The following CTRB1 variants were observed in gnomAD, a reference collection of about 807,000 sequenced individuals.
CTRB1 encodes chymotrypsinogen B.
A neutral mutation model predicts 20.4 loss-of-function variants in CTRB1; 15 were observed. That is an observed-to-expected ratio of 0.74 (90% CI 0.49 to 1.13). The LOEUF (loss-of-function observed/expected upper bound fraction) is 1.13. Among genes scored for constraint, CTRB1 ranks in the 50% most tolerant of loss-of-function variants. The probability of loss-of-function intolerance (pLI) is 0.00; values close to 1 mark genes in which losing one functional copy is unlikely to be tolerated. For missense variants in CTRB1, 227 were observed against 290.1 expected (o/e 0.78, Z 1.58); for synonymous variants, 92 against 128.4 (o/e 0.72, Z 1.92).
chr16:75,224,578 A>C (rs2151377188), intron 6 of CTRB1, 127 bp from the exon 7 acceptor site: 1 of 1,155,378 alleles, frequency 8.7e-7, no homozygotes, highest in South Asian at 1.5e-5. Flanking sequence ...TAACCCACGC[A>C]ACAGCACATG....
chr16:75,221,906 C>G (rs1027653615), intron 1 of CTRB1, among the ~76,000 whole-genome samples: 1 of 151,424 alleles, frequency 6.6e-6, no homozygotes, highest in Non-Finnish European at 1.5e-5. Context: ...ACTAAAAATA[C>G]AAAAATTAGC....
chr16:75,224,646 C>T lies in CTRB1; in HGVS notation c.631-59C>T, dbSNP rs529437969. 5.9e-6 allele frequency: 9 copies of T among 1,538,456 alleles called. 1 individual carries two copies. In the East Asian group the frequency reaches 6.8e-5, roughly 12 times the overall value. ...GGACTCTGGGAACAATGTCCAGTGG[C>T]CCCTGGGACCAGTCTGTCTCGGCTG... On this transcript the variant is annotated intron_variant, in intron 6 of 6. Transcript: ENST00000361017.
At chr16:75,219,652 G>C (rs980081444) in intron 1 of CTRB1, among the ~76,000 whole-genome samples, 2 of 152,114 alleles carry the variant, frequency 1.3e-5, no homozygotes, top group African/African-American at 2.4e-5. Flanking sequence ...CCAAAGTGCT[G>C]GGATTACAGG....
intron 1 of CTRB1, among the ~76,000 whole-genome samples, chr16:75,219,683 C>T (rs541855520): frequency 2.6e-5 from 4 of 152,172 alleles, no homozygotes; most frequent in African/African-American, 7.2e-5. Context: ...TGTGCCCAGC[C>T]GTGTTTTCTA....
At chr16:75,222,591 G>C (rs1597131390) in intron 1 of CTRB1, 177 bp from the exon 2 acceptor site, 1 of 657,410 alleles carries the variant, frequency 1.5e-6, no homozygotes, top group East Asian at 2.8e-5. Context: ...AGCAGGCCGA[G>C]AGTTGGGAAC....
intron 1 of CTRB1, among the ~76,000 whole-genome samples, chr16:75,221,127 G>A (rs1283758726): frequency 6.6e-6 from 1 of 152,112 alleles, no homozygotes; most frequent in Non-Finnish European, 1.5e-5. Context: ...CGCAGGGGCT[G>A]CCTTGTAAGC....
rs1328086283 is a variant in CTRB1 at position 75,222,782 on chromosome 16, G to A, written c.67G>A (p.Ala23Thr). ...CTCCCCCCCAGGCTGCGGGGTCCCCGCCATCCACCCTGTGCTCAGCGGCCT... is the reference window on the plus strand; with the variant it reads ...CTCCCCCCCAGGCTGCGGGGTCCCCACCATCCACCCTGTGCTCAGCGGCCT... ...VGAAFGCGVP[A>T]IHPVLSGLSR... The change falls in exon 2 of 7, where the codon GCC (alanine) becomes ACC (threonine). Residue 23 changes from alanine to threonine, a missense_variant. Ala to Thr is a moderately conservative substitution (Grantham distance 58). Transcript: ENST00000361017. 15 of 1,555,806 alleles carry A rather than the reference G, an allele frequency of 9.6e-6. No homozygotes were observed. In the East Asian group the frequency reaches 1.4e-4, roughly 15 times the overall value.
At chr16:75,219,104 C>T in intron 1 of CTRB1, 45 bp downstream of exon 1, 1 of 1,551,744 alleles carries the variant, frequency 6.4e-7, no homozygotes, top group Non-Finnish European at 8.7e-7. Context: ...GAGCCCTGAG[C>T]CTGGCTGAGA....
Position 75,224,289 on chromosome 16 carries a change from C to T in CTRB1, c.630+101C>T, listed in dbSNP as rs2303213. On this transcript the variant is annotated intron_variant, in intron 6 of 6. Coordinates refer to ENST00000361017, the MANE Select transcript of CTRB1 (RefSeq NM_001906.6). Reference sequence around the variant, plus strand: ...CTCTCATCTACTAACCCCACTCCTTCCTGGGTGTCAGAGTCGCCTTGTTGC... The same window carrying T: ...CTCTCATCTACTAACCCCACTCCTTTCTGGGTGTCAGAGTCGCCTTGTTGC... 1.3e-5 allele frequency: 20 copies of T among 1,545,430 alleles called. No individual in the cohort carries two copies. In the East Asian group the frequency reaches 4.8e-4, roughly 37 times the overall value.
In CTRB1 at chr16:75,224,708, G is replaced by A. The variant is rs528487997; in HGVS notation, c.634G>A (p.Asp212Asn). The A allele has an allele frequency of 1.9e-5, 30 of 1,609,228 alleles. No individual in the cohort carries two copies. The South Asian group carries it at 2.3e-4, about 12-fold the overall frequency. The change falls in exon 7 of 7, where the codon GAC becomes AAC. Residue 212 changes from aspartate (D) to asparagine (N), a missense_variant. Physicochemically the swap from Asp to Asn is conservative, Grantham distance 23. Transcript: ENST00000361017. ...CCCCCTTCTCCCTCTCCCACAGGGC[G>A]ACTCTGGCGGCCCCCTGGTCTGCCA... The part of the protein sequence containing the change: ...GASGVSSCMG[D>N]SGGPLVCQKD...
intron 1 of CTRB1, among the ~76,000 whole-genome samples, chr16:75,220,951 T>G (rs573833545): frequency 5.3e-4 from 81 of 152,034 alleles, no homozygotes; most frequent in African/African-American, 1.9e-3. Flanking sequence ...AGAGACAGGG[T>G]TTCATCATAT....
chr16:75,224,019 G>A, intron 5 of CTRB1, 36 bp from the exon 6 acceptor site: 1 of 756,318 alleles, frequency 1.3e-6, no homozygotes, highest in Non-Finnish European at 2.0e-6. Context: ...TTGGCTGAGT[G>A]AGCCCAGGGG....
chr16:75,224,871 G>A lies in CTRB1; in HGVS notation c.*5G>A, dbSNP rs370522687. ...AAGATCCTGGCTGCCAACTGAGCCCGCGGCTCCCTCCGACCCTGCTCCCCA... is the reference window on the plus strand; with the variant it reads ...AAGATCCTGGCTGCCAACTGAGCCCACGGCTCCCTCCGACCCTGCTCCCCA... On this transcript the variant is annotated 3_prime_UTR_variant, in exon 7 of 7. Coordinates refer to ENST00000361017, the MANE Select transcript of CTRB1 (RefSeq NM_001906.6). 122 of 1,613,462 alleles carry A rather than the reference G, an allele frequency of 7.6e-5. 1 individual carries two copies. In the Middle Eastern group the frequency reaches 9.9e-4, roughly 13 times the overall value.
chr16:75,220,975 C>T (rs1458500563), intron 1 of CTRB1, among the ~76,000 whole-genome samples: 1 of 152,190 alleles, frequency 6.6e-6, no homozygotes, highest in Non-Finnish European at 1.5e-5. Context: ...CCAGGCTGGT[C>T]TTGAACTCCT....
Position 75,222,374 on chromosome 16 carries a change from G to A in CTRB1, c.53-394G>A, listed in dbSNP as rs185554075. Reference sequence around the variant, plus strand: ...AGGCACGTGGGCCAGTGGAGCTCACGTGGTTCTGCTGCCCTTTTTATAGCT... The same window carrying A: ...AGGCACGTGGGCCAGTGGAGCTCACATGGTTCTGCTGCCCTTTTTATAGCT... On this transcript the variant is annotated intron_variant, in intron 1 of 6. Coordinates refer to ENST00000361017, the MANE Select transcript of CTRB1 (RefSeq NM_001906.6). Among the ~76,000 whole-genome samples the A allele has an allele frequency of 3.3e-3, 506 of 152,228 alleles. 2 individuals are homozygous for A. The highest frequency in any genetic ancestry group is 0.011 in the African/African-American group (469 of 41,548).
intron 6 of CTRB1, among the ~76,000 whole-genome samples, chr16:75,224,399 G>A (rs1451645530): frequency 6.6e-6 from 1 of 152,198 alleles, no homozygotes; most frequent in Non-Finnish European, 1.5e-5. Context: ...CAGGACAGCG[G>A]GCTCCAGCAG....
At chr16:75,222,393 T>C (rs959630877) in intron 1 of CTRB1, among the ~76,000 whole-genome samples, 1 of 152,250 alleles carries the variant, frequency 6.6e-6, no homozygotes, top group Middle Eastern at 3.4e-3. Flanking sequence ...CTGCCCTTTT[T>C]ATAGCTGAGG....
chr16:75,219,458 C>T (rs539571255), intron 1 of CTRB1, among the ~76,000 whole-genome samples: 18 of 151,756 alleles, frequency 1.2e-4, no homozygotes, highest in Non-Finnish European at 2.2e-4. Flanking sequence ...ATGGTGCAAT[C>T]TCCACTTACT....
chr16:75,221,247 C>T (rs1259825563), intron 1 of CTRB1, among the ~76,000 whole-genome samples: 1 of 152,188 alleles, frequency 6.6e-6, no homozygotes, highest in Non-Finnish European at 1.5e-5. Context: ...AGAATCTGGT[C>T]CTGACATAGC....
Sources: allele counts gnomAD v4.1 joint callset (sites outside exome capture counted in the v4.1 genomes callset), GRCh38; gene constraint gnomAD v4.1.1; transcripts MANE v1.5; gene names NCBI Gene and HGNC (gene_info 2026-07-23, HGNC 2026-07-21).